The following MMP12 variants were observed in gnomAD, a reference collection of about 807,000 sequenced individuals.
MMP12 encodes the protein macrophage metalloelastase.
MMP12 carries 51 observed loss-of-function variants against 45.2 expected under a neutral mutation model. That is an observed-to-expected ratio of 1.13 (90% CI 0.90 to 1.42). The LOEUF (loss-of-function observed/expected upper bound fraction) is 1.42, where lower values mean the gene tolerates loss of function less well. Among genes scored for constraint, MMP12 ranks in the 40% most tolerant of loss-of-function variants. MMP12 has a pLI of 0.00. For synonymous variants in MMP12, 210 were observed against 193.3 expected, an observed-to-expected ratio of 1.09 and a Z score of -0.72; for missense variants, 530 against 570.8, an observed-to-expected ratio of 0.93 and a Z score of 0.73.
rs1859372154 is a variant in MMP12, at chr11:102,865,721, A to G, written c.1205+55T>C. The G allele has an allele frequency of 8.1e-6, 12 of 1,477,356 alleles. No homozygotes were observed. In the South Asian group the frequency reaches 1.5e-4, roughly 18 times the overall value. The allele number at this position is 1,477,356 out of a possible 1,614,324, so 91.5% of individuals were successfully genotyped here. A position where few individuals can be genotyped will look rare whatever the true frequency, so the allele number is the denominator to read the frequency against. On this transcript the variant is annotated intron_variant, in intron 8 of 9. Transcript: ENST00000571244. This position sits in a 1 kb window ranked among gnomAD's most constrained non-coding sequence, Gnocchi z 4.1. Reference sequence around the variant, plus strand: ...GAAAATGTGCCTTCTAGAAAGCCTCATTCCATATCTGTTTCACAATCTGAG... The same window carrying G: ...GAAAATGTGCCTTCTAGAAAGCCTCGTTCCATATCTGTTTCACAATCTGAG...
intron 4 of MMP12, among the ~76,000 whole-genome samples, chr11:102,868,863 T>C (rs1398603304): frequency 1.3e-5 from 2 of 152,226 alleles, no homozygotes; most frequent in African/African-American, 2.4e-5. Context: ...GAGTCTATAC[T>C]TATAATTTAG....
Position 102,865,823 on chromosome 11 carries a change from G to T in MMP12, c.1158C>A (p.Asn386Lys), listed in dbSNP as rs1859374620. Residue 386 changes from asparagine (N) to lysine (K), a missense_variant, in exon 8 of 10, where the codon AAC becomes AAA. Coordinates refer to ENST00000571244, the MANE Select transcript of MMP12 (RefSeq NM_002426.6). The surrounding 1 kb of genome is among the most constrained non-coding windows in gnomAD (Gnocchi z 4.1). ...FVKKIDAAVF[N>K]PRFYRTYFFV... ...AGAAGTAGGTCCTATAAAAACGTGG[G>T]TTAAAAACAGCTGCATCAATTTTTT... 6.2e-7 allele frequency: 1 copy of T among 1,612,558 alleles called. No homozygotes were observed. Among genetic ancestry groups the T allele is most frequent in the Non-Finnish European group, 8.5e-7 (1 of 1,179,160 alleles).
At position 102,865,831 on chromosome 11, in the gene MMP12, C is replaced by G. The variant is rs1859374839; in HGVS notation, c.1150G>C (p.Val384Leu). The G allele has an allele frequency of 6.2e-7, 1 of 1,612,788 alleles. No homozygotes were observed. Among genetic ancestry groups the G allele is most frequent in the Admixed American group, 1.7e-5 (1 of 59,878 alleles). Reference protein sequence around the residue: ...PNFVKKIDAAVFNPRFYRTYF... With the variant: ...PNFVKKIDAALFNPRFYRTYF... ...GTCCTATAAAAACGTGGGTTAAAAA[C>G]AGCTGCATCAATTTTTTTCACAAAG... is the stretch of plus-strand genomic sequence containing the variant. Residue 384 changes from valine to leucine, a missense_variant, in exon 8 of 10, where the codon GTT (valine) becomes CTT (leucine). Coordinates refer to ENST00000571244, the MANE Select transcript of MMP12 (RefSeq NM_002426.6). This position sits in a 1 kb window ranked among gnomAD's most constrained non-coding sequence, Gnocchi z 4.1.
chr11:102,868,162 G>C, intron 4 of MMP12, 93 bp from the exon 5 acceptor site: 1 of 1,139,400 alleles, frequency 8.8e-7, no homozygotes, highest in South Asian at 1.5e-5. Flanking sequence ...AAAGATTTGA[G>C]AATCTTTTAC....
intron 4 of MMP12, among the ~76,000 whole-genome samples, chr11:102,870,018 T>C (rs781999386): frequency 4.6e-5 from 7 of 152,186 alleles, no homozygotes; most frequent in Admixed American, 3.9e-4. Context: ...TTTGAAAGCA[T>C]TGAATCAATC....
chr11:102,863,292 T>A, intron 9 of MMP12, 92 bp from the exon 10 acceptor site: 1 of 767,354 alleles, frequency 1.3e-6, no homozygotes, highest in Non-Finnish European at 2.1e-6. Flanking sequence ...ATAGATTATC[T>A]AGAATAGATG....
At chr11:102,872,799 G>C (rs1859524288) in intron 2 of MMP12, 66 bp downstream of exon 2, 1 of 1,544,684 alleles carries the variant, frequency 6.5e-7, no homozygotes, top group African/African-American at 1.4e-5. Context: ...CTGTCTAACT[G>C]GTTCAGGTTA....
In MMP12 at chr11:102,872,864, C is replaced by T. The variant is rs1555009582; in HGVS notation, c.350+1G>A. The T allele has an allele frequency of 3.1e-6, 5 of 1,613,642 alleles. No homozygotes were observed. In the South Asian group the frequency reaches 3.3e-5, roughly 11 times the overall value. On this transcript the variant is annotated splice_donor_variant, in intron 2 of 9. Transcript: ENST00000571244. LOFTEE classifies it high-confidence loss of function. ...TACAGGGCGACATACACCAACGTTA[C>T]CTGTAGGTGATATAATGTTTCCTCC...
At position 102,872,817 on chromosome 11, in the gene MMP12, G is replaced by C. The variant is rs782350715; in HGVS notation, c.350+48C>G. ...TCTAACTGGTTCAGGTTAGAAGTCA[G>C]ACCTATGGGAAAGTAGAAAAATACA... is the stretch of plus-strand genomic sequence containing the variant. On this transcript the variant is annotated intron_variant, in intron 2 of 9. Transcript: ENST00000571244. 1.9e-6 allele frequency: 3 copies of C among 1,598,808 alleles called. No homozygotes were observed. The African/African-American group carries it at 4.0e-5, about 21-fold the overall frequency.
intron 4 of MMP12, among the ~76,000 whole-genome samples, chr11:102,869,099 C>A (rs1298456297): frequency 6.6e-6 from 1 of 152,166 alleles, no homozygotes; most frequent in Non-Finnish European, 1.5e-5. Context: ...GCTCAATTTG[C>A]AGAATATTTG....
Position 102,864,169 on chromosome 11 carries a change from T to A in MMP12, c.1289A>T (p.Asp430Val). 1 of 1,613,032 alleles carries A rather than the reference T, an allele frequency of 6.2e-7. No homozygotes were observed. The highest frequency in any genetic ancestry group is 8.5e-7 in the Non-Finnish European group (1 of 1,179,040). The change falls in exon 9 of 10, where the codon GAT becomes GTT. Residue 430 changes from aspartate (D) to valine (V), a missense_variant. Asp to Val is a radical substitution (Grantham distance 152). Transcript: ENST00000571244. ...ACTGTTTTTAGAGTAGAAGACTGCA[T>A]CAATTTTAGGCCCGATTCCTTGGAA... Reference protein sequence around the residue: ...KNFQGIGPKIDAVFYSKNKYY... With the variant: ...KNFQGIGPKIVAVFYSKNKYY...
intron 4 of MMP12, 105 bp downstream of exon 4, chr11:102,871,489 G>C (rs1555009303): frequency 4.4e-6 from 6 of 1,349,554 alleles, no homozygotes; most frequent in Non-Finnish European, 1.0e-6. Flanking sequence ...TCATTTGTCA[G>C]AATGTAGTCT....
In MMP12 at chr11:102,865,892, A is replaced by G. The variant is rs1859377377; in HGVS notation, c.1089T>C (p.Asn363=). Residue 363 remains asparagine (N), a synonymous_variant, in exon 8 of 10, where the codon AAT becomes AAC. Coordinates refer to ENST00000571244, the MANE Select transcript of MMP12 (RefSeq NM_002426.6). This position sits in a 1 kb window ranked among gnomAD's most constrained non-coding sequence, Gnocchi z 4.1. The part of the protein sequence containing the change: ...WLISNLRPEP[N]YPKSIHSFGF... The stretch of plus-strand genomic sequence containing the variant: ...CAAAAGAATGTATGCTCTTGGGATA[A>G]TTTGGCTCTGGTCTTAAATTGCTAA... The G allele has an allele frequency of 6.2e-7, 1 of 1,613,006 alleles. No individual in the cohort carries two copies. Among genetic ancestry groups the G allele is most frequent in the Admixed American group, 1.7e-5 (1 of 59,976 alleles).
Position 102,863,223 on chromosome 11 carries a change from T to C in MMP12, c.1313-23A>G, listed in dbSNP as rs200378085. 2.4e-4 allele frequency: 305 copies of C among 1,256,838 alleles called. 2 individuals are homozygous for C. In the Middle Eastern group the frequency reaches 4.7e-3, roughly 19 times the overall value. The allele number at this position is 1,256,838 out of a possible 1,614,324, so 77.9% of individuals were successfully genotyped here. ...ATTCTGAAAATGAAAACAAATTAAA[T>C]AGTTTAATTCCCTCCCTGTATTTCT... On this transcript the variant is annotated intron_variant, in intron 9 of 9. Coordinates refer to ENST00000571244, the MANE Select transcript of MMP12 (RefSeq NM_002426.6).
At chr11:102,874,521 A>C (rs1054976027) in intron 1 of MMP12, among the ~76,000 whole-genome samples, 2 of 152,254 alleles carry the variant, frequency 1.3e-5, no homozygotes, top group Admixed American at 1.3e-4. Context: ...ACTGGCATTT[A>C]ATGATTAGTG....
rs1555008570 is a variant in MMP12, at chr11:102,866,399, T to C, written c.961A>G (p.Ile321Val). 1.9e-6 allele frequency: 3 copies of C among 1,609,266 alleles called. No homozygotes were observed. Among genetic ancestry groups the C allele is most frequent in the East Asian group, 2.2e-5 (1 of 44,772 alleles). ...SERPKTSVNL[I>V]SSLWPTLPSG... ...GGCAAGGTTGGCCATAAGGAAGAAATTAAATTAACACTGGTCTTTGGTCTC... is the reference window on the plus strand; with the variant it reads ...GGCAAGGTTGGCCATAAGGAAGAAACTAAATTAACACTGGTCTTTGGTCTC... Residue 321 changes from isoleucine (I) to valine (V), a missense_variant, in exon 7 of 10, where the codon ATT (isoleucine) becomes GTT (valine). Transcript: ENST00000571244.
chr11:102,867,146 T>A (rs1385688822), intron 6 of MMP12, 124 bp downstream of exon 6: 5 of 822,914 alleles, frequency 6.1e-6, no homozygotes, highest in Non-Finnish European at 9.0e-6. Context: ...GCCTACAGAA[T>A]CGAGTCCAAG....
At position 102,871,701 on chromosome 11, in the gene MMP12, G is replaced by T; in HGVS notation, c.518C>A (p.Ala173Asp). 1 of 1,609,854 alleles carries T rather than the reference G, an allele frequency of 6.2e-7. No individual in the cohort carries two copies. Among genetic ancestry groups the T allele is most frequent in the Non-Finnish European group, 8.5e-7 (1 of 1,177,848 alleles). ...FARGAHGDFHAFDGKGGILAH... is the reference protein window; with the variant it reads ...FARGAHGDFHDFDGKGGILAH... Reference sequence around the variant, plus strand: ...TAGGATTCCACCTTTGCCATCAAAAGCATGGAAGTCTCCATGAGCTTTTGG... The same window carrying T: ...TAGGATTCCACCTTTGCCATCAAAATCATGGAAGTCTCCATGAGCTTTTGG... The change falls in exon 4 of 10, where the codon GCT (alanine) becomes GAT (aspartate). Residue 173 changes from alanine to aspartate, a missense_variant. Ala to Asp is a moderately radical substitution (Grantham distance 126). Transcript: ENST00000571244.
At chr11:102,867,421 T>A (rs1555008735) in intron 5 of MMP12, 28 bp from the exon 6 acceptor site, 1 of 1,588,502 alleles carries the variant, frequency 6.3e-7, no homozygotes, top group South Asian at 1.2e-5. Context: ...GAAGCATTAG[T>A]AAACAAAATC....
Sources: allele counts gnomAD v4.1 joint callset (sites outside exome capture counted in the v4.1 genomes callset), GRCh38; gene constraint gnomAD v4.1.1; non-coding constraint Gnocchi (gnomAD v3.1); transcripts MANE v1.5; gene names NCBI Gene and HGNC (gene_info 2026-07-23, HGNC 2026-07-21).